The following TENM2 variants were observed in gnomAD, a reference collection of about 807,000 sequenced individuals.
TENM2 encodes the protein teneurin transmembrane protein 2, also known as teneurin-2.
TENM2 carries 52 observed loss-of-function variants against 245.2 expected under a neutral mutation model. That is an observed-to-expected ratio of 0.21 (90% CI 0.17 to 0.27). TENM2 has a LOEUF of 0.27. Ranked by LOEUF, TENM2 falls within the 10% of genes least tolerant of loss-of-function variation. The pLI is 1.00. For synonymous variants in TENM2, 1,363 were observed against 1,438.9 expected, an observed-to-expected ratio of 0.95 and a Z score of 1.19; for missense variants, 3,046 against 3,666.8, an observed-to-expected ratio of 0.83 and a Z score of 4.37.
At chr5:167,077,420 C>T in the TENM2 span, among the ~76,000 whole-genome samples, 131 of 152,170 alleles carry the variant, frequency 8.6e-4, no homozygotes, top group Non-Finnish European at 1.7e-3. Context: ...CAATAGGTTA[C>T]ATATCTTGCT....
At chr5:167,504,756 T>A (rs1769431353) in intron 2 of TENM2, among the ~76,000 whole-genome samples, 1 of 152,194 alleles carries the variant, frequency 6.6e-6, no homozygotes, top group African/African-American at 2.4e-5. Context: ...CTGCTTTATT[T>A]TTCCTGTTAC....
At chr5:167,781,352 A>G (rs1764174322) in intron 2 of TENM2, among the ~76,000 whole-genome samples, 1 of 152,256 alleles carries the variant, frequency 6.6e-6, no homozygotes, top group African/African-American at 2.4e-5. Flanking sequence ...CAAAATTTCC[A>G]AATACCTTTA....
At chr5:167,003,889 GCTTCTTACTTAGAAAATATAC>G in the TENM2 span, among the ~76,000 whole-genome samples, 2 of 152,042 alleles carry the variant, frequency 1.3e-5, no homozygotes, top group Non-Finnish European at 2.9e-5. Context: ...GAGCGTTTTA[GCTTCTTACTTAGAAAATATAC>G]TCAACTCTCA....
chr5:167,862,553 T>C lies in TENM2; in HGVS notation c.503-13433T>C, dbSNP rs151331073. 2.4e-3 allele frequency among the ~76,000 whole-genome samples: 366 copies of C among 152,324 alleles called. 1 individual carries two copies. The highest frequency in any genetic ancestry group is 0.01 in the Middle Eastern group (3 of 294). ...CAGTGTAAAGTTAAATCCTCCTCCT[T>C]GTTTTCTCCCTTCATGCTTCTTTGT... On this transcript the variant is annotated intron_variant, in intron 2 of 28. Coordinates refer to ENST00000518659, the Ensembl canonical transcript of TENM2.
chr5:167,215,965 T>A, the TENM2 span, among the ~76,000 whole-genome samples: 1 of 152,208 alleles, frequency 6.6e-6, no homozygotes, highest in Admixed American at 6.5e-5. Context: ...TGATTTTCAA[T>A]GTATCCATAG....
intron 12 of TENM2, among the ~76,000 whole-genome samples, chr5:168,146,287 AG>A (rs1756073433): frequency 6.6e-6 from 1 of 152,108 alleles, no homozygotes; most frequent in South Asian, 2.1e-4. Flanking sequence ...ATTAAGGGAG[AG>A]GAATTAGAGG....
chr5:167,509,451 TA>T (rs1769774694), intron 2 of TENM2, among the ~76,000 whole-genome samples: 1 of 152,216 alleles, frequency 6.6e-6, no homozygotes. Context: ...TCTACAGATT[TA>T]TTTCAAGTAC....
intron 12 of TENM2, among the ~76,000 whole-genome samples, chr5:168,159,199 G>C (rs1317114002): frequency 6.6e-6 from 1 of 152,008 alleles, no homozygotes; most frequent in Non-Finnish European, 1.5e-5. Flanking sequence ...ATGTTTTCTG[G>C]AGAGAAATAG....
At chr5:167,016,347 G>A in the TENM2 span, among the ~76,000 whole-genome samples, 1 of 149,094 alleles carries the variant, frequency 6.7e-6, no homozygotes, top group South Asian at 2.1e-4. Context: ...AAAATCGTTA[G>A]TGTACATTGC....
chr5:168,036,689 A>ATATATG (rs1787719406), intron 5 of TENM2, among the ~76,000 whole-genome samples: 1 of 117,778 alleles, frequency 8.5e-6, no homozygotes, highest in African/African-American at 4.1e-5. Flanking sequence ...ATATATATAT[A>ATATATG]TATATATATA....
chr5:167,146,447 G>A, the TENM2 span, among the ~76,000 whole-genome samples: 2 of 152,084 alleles, frequency 1.3e-5, no homozygotes, highest in African/African-American at 4.8e-5. Flanking sequence ...ACGCAGGTTC[G>A]GTTCTTAACG....
intron 5 of TENM2, among the ~76,000 whole-genome samples, chr5:168,011,811 G>A (rs1291947744): frequency 6.6e-6 from 1 of 152,162 alleles, no homozygotes; most frequent in African/African-American, 2.4e-5. Context: ...TGACTTGCTG[G>A]TTTTTCTCTG....
the TENM2 span, among the ~76,000 whole-genome samples, chr5:167,188,962 G>A: frequency 5.9e-5 from 9 of 152,178 alleles, no homozygotes; most frequent in Non-Finnish European, 8.8e-5. Context: ...CCAAAGGTCC[G>A]TGATGTTTTT....
chr5:167,784,725 C>CT lies in TENM2; in HGVS notation c.503-91257dup, dbSNP rs569891929. Among the ~76,000 whole-genome samples, 10 of 152,128 alleles carry CT rather than the reference C, an allele frequency of 6.6e-5. No homozygotes were observed. The East Asian group carries it at 1.9e-3, about 29-fold the overall frequency. The stretch of plus-strand genomic sequence containing the variant: ...CACATTTGCATTTGTCATTGTAATT[C>CT]TTTTGTTCCAAAAAGAGGTGAAAAA... On this transcript the variant is annotated intron_variant, in intron 2 of 28. Coordinates refer to ENST00000518659, the Ensembl canonical transcript of TENM2.
At chr5:168,200,022 G>A (rs752673564) in exon 17 of TENM2, 7 of 1,613,938 alleles carry the variant, frequency 4.3e-6, no homozygotes, top group South Asian at 1.1e-5. Flanking sequence ...CTGTCGAGGG[G>A]CATCTCTTCC....
intron 13 of TENM2, among the ~76,000 whole-genome samples, chr5:168,179,459 G>C (rs1214886087): frequency 6.6e-6 from 1 of 152,220 alleles, no homozygotes; most frequent in African/African-American, 2.4e-5. Flanking sequence ...GGGGCAGAGG[G>C]CTGGCCAAAA....
the TENM2 span, chr5:167,168,433 T>C: frequency 6.6e-6 from 1 of 152,196 alleles, no homozygotes; most frequent in African/African-American, 2.4e-5. Flanking sequence ...AGTCCTCTTG[T>C]TTTCTCCAAT....
At chr5:167,178,809 C>T in the TENM2 span, among the ~76,000 whole-genome samples, 4,572 of 152,174 alleles carry the variant, frequency 0.03, 241 homozygotes, top group African/African-American at 0.1. Flanking sequence ...CTTGCACACA[C>T]GCATATAAAA....
the TENM2 span, among the ~76,000 whole-genome samples, chr5:167,107,909 C>T: frequency 6.6e-6 from 1 of 152,182 alleles, no homozygotes; most frequent in African/African-American, 2.4e-5. Context: ...TCCGGGATAG[C>T]CCAACCTTGT....
Sources: allele counts gnomAD v4.1 joint callset (sites outside exome capture counted in the v4.1 genomes callset), GRCh38; gene constraint gnomAD v4.1.1; transcripts MANE v1.5; gene names NCBI Gene and HGNC (gene_info 2026-07-23, HGNC 2026-07-21).